Variants in GATD1 observed in about 807,000 individuals in gnomAD.
The protein encoded by GATD1 is glutamine amidotransferase class 1 domain containing 1, also known as glutamine amidotransferase-like class 1 domain-containing protein 1.
In GATD1, 23 loss-of-function variants were observed where a neutral mutation model predicts 25.9. The observed-to-expected ratio is 0.89, with a 90% CI of 0.64 to 1.26. GATD1 has a LOEUF of 1.26. GATD1 is among the 50% of genes most tolerant of loss of function. The pLI is 0.00. For synonymous variants in GATD1, 177 were observed against 134.6 expected, an observed-to-expected ratio of 1.31 and a Z score of -2.18; for missense variants, 347 against 312.5, an observed-to-expected ratio of 1.11 and a Z score of -0.83.
chr11:772,625 C>A, intron 4 of GATD1, 104 bp from the exon 5 acceptor site: 2 of 1,016,374 alleles, frequency 2.0e-6, no homozygotes, highest in Non-Finnish European at 1.5e-6. Context: ...GTGCCGCCTG[C>A]CTGGCCCCTC....
In GATD1 at chr11:769,158, T is replaced by A. The variant is rs1863225241; in HGVS notation, c.*1739A>T. 1.0e-6 allele frequency: 1 copy of A among 985,210 alleles called. No individual in the cohort carries two copies. The highest frequency in any genetic ancestry group is 1.2e-6 in the Non-Finnish European group (1 of 829,942). 61.0% of individuals were successfully genotyped at this position (985,210 alleles called of 1,614,324 possible). On this transcript the variant is annotated 3_prime_UTR_variant, in exon 8 of 8. Transcript: ENST00000319863. Reference sequence around the variant, plus strand: ...ACAGAGGTCCATCACCACACGGGGATGAGAGTGGACCCGGGACAGAGCAAG... The same window carrying A: ...ACAGAGGTCCATCACCACACGGGGAAGAGAGTGGACCCGGGACAGAGCAAG...
At position 776,499 on chromosome 11, in the gene GATD1, A is replaced by AC. The variant is rs1165962608; in HGVS notation, c.64+899dup. ...CTGCTCTGGAAACAAGCCCCAACCC[A>AC]CCCCCCCAGGACTGAACCCCACTCG... On this transcript the variant is annotated intron_variant, in intron 1 of 7. Coordinates refer to ENST00000319863, the MANE Select transcript of GATD1 (RefSeq NM_182612.4). Among the ~76,000 whole-genome samples the AC allele has an allele frequency of 1.7e-3, 197 of 116,420 alleles. 2 individuals carry two copies. Among genetic ancestry groups the AC allele is most frequent in the African/African-American group, 5.3e-3 (181 of 33,842 alleles). 76.4% of individuals were successfully genotyped at this position (116,420 alleles called of 152,430 possible).
chr11:775,018 T>G, intron 2 of GATD1, 48 bp downstream of exon 2: 1 of 1,534,040 alleles, frequency 6.5e-7, no homozygotes. Context: ...CCCGGAGAGG[T>G]GGAGACAGAC....
intron 5 of GATD1, among the ~76,000 whole-genome samples, chr11:772,030 C>A (rs756689608): frequency 8.5e-5 from 13 of 152,300 alleles, no homozygotes; most frequent in Middle Eastern, 3.4e-3. Flanking sequence ...GCCTTTGGGC[C>A]TCAGATTGAC....
chr11:773,799 T>A (rs1177311999), intron 3 of GATD1, among the ~76,000 whole-genome samples, 170 bp from the exon 4 acceptor site: 1 of 152,084 alleles, frequency 6.6e-6, no homozygotes, highest in Non-Finnish European at 1.5e-5. Flanking sequence ...CCCCCCTGAC[T>A]TTCCTGTCTC....
chr11:772,600 G>A, intron 4 of GATD1, 79 bp from the exon 5 acceptor site: 1 of 1,330,800 alleles, frequency 7.5e-7, no homozygotes, highest in Non-Finnish European at 1.1e-6. Context: ...CCCTGCTTGT[G>A]GCTCCCCCAG....
In GATD1 at chr11:770,445, G is replaced by A. The variant is rs1349780672; in HGVS notation, c.*452C>T. 6.1e-6 allele frequency: 9 copies of A among 1,480,540 alleles called. No individual in the cohort carries two copies. The highest frequency in any genetic ancestry group is 2.6e-5 in the South Asian group (2 of 76,612). 91.7% of individuals were successfully genotyped at this position (1,480,540 alleles called of 1,614,324 possible). A position where few individuals can be genotyped will look rare whatever the true frequency, so the allele number is the denominator to read the frequency against. ...TGGCCAAAGTTCTGAGCCAGCTCCC[G>A]CCGGCTGGGCCCTCCCCTCAAGGCC... On this transcript the variant is annotated 3_prime_UTR_variant, in exon 8 of 8. Coordinates refer to ENST00000319863, the MANE Select transcript of GATD1 (RefSeq NM_182612.4).
At position 771,076 on chromosome 11, in the gene GATD1, C is replaced by G. The variant is rs374173107; in HGVS notation, c.573G>C (p.Val191=). The change falls in exon 7 of 8, where the codon GTG becomes GTC. Residue 191 remains valine (V), a synonymous_variant. Coordinates refer to ENST00000319863, the MANE Select transcript of GATD1 (RefSeq NM_182612.4). The stretch of plus-strand genomic sequence containing the variant: ...GGCCTGTGACCAGGTGGCGGTCCAG[C>G]ACGACGTGGACAGCGTCAGGCTCGC... The part of the protein sequence containing the change: ...SASEPDAVHV[V]LDRHLVTGQN... The G allele has an allele frequency of 3.7e-6, 6 of 1,609,138 alleles. No homozygotes were observed. The African/African-American group carries it at 6.7e-5, about 18-fold the overall frequency.
rs914080871 is a variant in GATD1, at chr11:769,007, A to C, written c.*1890T>G. ...TCCCAGCTACTCCGGAGGCTGAGGCAGGAGAATCGCTTGAACCCGGGAGAC... is the reference window on the plus strand; with the variant it reads ...TCCCAGCTACTCCGGAGGCTGAGGCCGGAGAATCGCTTGAACCCGGGAGAC... On this transcript the variant is annotated 3_prime_UTR_variant, in exon 8 of 8. Coordinates refer to ENST00000319863, the MANE Select transcript of GATD1 (RefSeq NM_182612.4). The C allele has an allele frequency of 2.5e-6, 1 of 397,044 alleles. No individual in the cohort carries two copies. The highest frequency in any genetic ancestry group is 3.4e-6 in the Non-Finnish European group (1 of 292,264). 24.6% of individuals were successfully genotyped at this position (397,044 alleles called of 1,614,324 possible). A position where few individuals can be genotyped will look rare whatever the true frequency, so the allele number is the denominator to read the frequency against.
At position 769,249 on chromosome 11, in the gene GATD1, C is replaced by T. The variant is rs1408447619; in HGVS notation, c.*1648G>A. 6 of 985,360 alleles carry T rather than the reference C, an allele frequency of 6.1e-6. No individual in the cohort carries two copies. Among genetic ancestry groups the T allele is most frequent in the Non-Finnish European group, 7.2e-6 (6 of 829,956 alleles). The allele number at this position is 985,360 out of a possible 1,614,324, so 61.0% of individuals were successfully genotyped here. On this transcript the variant is annotated 3_prime_UTR_variant, in exon 8 of 8. Transcript: ENST00000319863. ...CGAGGCACTGGAGGGACGCAGCCTT[C>T]AGGGCGGGGATGTGGCTGCAGCGCT... is the stretch of plus-strand genomic sequence containing the variant.
intron 1 of GATD1, among the ~76,000 whole-genome samples, chr11:776,484 A>T (rs1863993117): frequency 6.6e-6 from 1 of 151,836 alleles, no homozygotes; most frequent in African/African-American, 2.4e-5. Flanking sequence ...CTGCTCTGGA[A>T]ACAAGCCCCA....
Position 770,819 on chromosome 11 carries a change from C to T in GATD1, c.*78G>A, listed in dbSNP as rs755720392. The T allele has an allele frequency of 7.5e-5, 116 of 1,549,960 alleles. 1 individual carries two copies. Among genetic ancestry groups the T allele is most frequent in the Middle Eastern group, 3.9e-4 (2 of 5,170 alleles). Reference sequence around the variant, plus strand: ...AGGGCCCTTGTCAGGAGGGAAGAGGCGGGGTCCCTGAAGCCTGAGACGGGG... The same window carrying T: ...AGGGCCCTTGTCAGGAGGGAAGAGGTGGGGTCCCTGAAGCCTGAGACGGGG... On this transcript the variant is annotated 3_prime_UTR_variant, in exon 8 of 8. Transcript: ENST00000319863.
intron 1 of GATD1, among the ~76,000 whole-genome samples, chr11:775,976 CTTT>C (rs71022972): frequency 0.11 from 7,551 of 70,916 alleles, 53 homozygotes; most frequent in East Asian, 0.22. Context: ...TATCTTCATT[CTTT>C]TTTTTTTTTT....
Position 770,535 on chromosome 11 carries a change from G to A in GATD1, c.*362C>T. ...CACAGCAGGGCAAACCCACACAGAGGACCCCCGAGCCGACTCTGTCTAGTC... is the reference window on the plus strand; with the variant it reads ...CACAGCAGGGCAAACCCACACAGAGAACCCCCGAGCCGACTCTGTCTAGTC... On this transcript the variant is annotated 3_prime_UTR_variant, in exon 8 of 8. Transcript: ENST00000319863. 2.1e-6 allele frequency: 3 copies of A among 1,413,408 alleles called. No individual in the cohort carries two copies. The highest frequency in any genetic ancestry group is 2.8e-6 in the Non-Finnish European group (3 of 1,085,496). The allele number at this position is 1,413,408 out of a possible 1,614,324, so 87.6% of individuals were successfully genotyped here.
rs1223501189 is a variant in GATD1, at chr11:775,969, CTTCA to C, written c.65-831_65-828del. Among the ~76,000 whole-genome samples, 12 of 111,986 alleles carry C rather than the reference CTTCA, an allele frequency of 1.1e-4. No individual in the cohort carries two copies. The East Asian group carries it at 3.0e-3, about 28-fold the overall frequency. 73.5% of individuals were successfully genotyped at this position (111,986 alleles called of 152,430 possible). A position where few individuals can be genotyped will look rare whatever the true frequency, so the allele number is the denominator to read the frequency against. ...CCCAATCCCTCAGCTTCATTTTTAT[CTTCA>C]TTCTTTTTTTTTTTTTTTTTTTTTT... On this transcript the variant is annotated intron_variant, in intron 1 of 7. Coordinates refer to ENST00000319863, the MANE Select transcript of GATD1 (RefSeq NM_182612.4).
intron 1 of GATD1, among the ~76,000 whole-genome samples, chr11:775,966 T>C (rs192476557): frequency 0.016 from 2,395 of 147,110 alleles, 66 homozygotes; most frequent in African/African-American, 0.057. Context: ...GCTTCATTTT[T>C]ATCTTCATTC....
chr11:774,032 G>C lies in GATD1; in HGVS notation c.223C>G (p.Pro75Ala). The C allele has an allele frequency of 1.2e-6, 2 of 1,613,596 alleles. No homozygotes were observed. Among genetic ancestry groups the C allele is most frequent in the Non-Finnish European group, 1.7e-6 (2 of 1,179,996 alleles). ...QDFRLKAYAS[P>A]AKLESIDGAR... ...CCATCGATGGACTCGAGCTTGGCGGGGCTGGCGTAAGCCTTGAGGCGGAAG... is the reference window on the plus strand; with the variant it reads ...CCATCGATGGACTCGAGCTTGGCGGCGCTGGCGTAAGCCTTGAGGCGGAAG... Residue 75 changes from proline (P) to alanine (A), a missense_variant, in exon 3 of 8, where the codon CCC becomes GCC. By Grantham distance (27) the Pro-to-Ala change is conservative (BLOSUM62 -1). Transcript: ENST00000319863.
Position 770,814 on chromosome 11 carries a change from A to G in GATD1, c.*83T>C. 6.5e-7 allele frequency: 1 copy of G among 1,545,620 alleles called. No individual in the cohort carries two copies. The highest frequency in any genetic ancestry group is 8.7e-7 in the Non-Finnish European group (1 of 1,143,984). On this transcript the variant is annotated 3_prime_UTR_variant, in exon 8 of 8. Transcript: ENST00000319863. The stretch of plus-strand genomic sequence containing the variant: ...CATCCAGGGCCCTTGTCAGGAGGGA[A>G]GAGGCGGGGTCCCTGAAGCCTGAGA...
chr11:767,650 C>T lies in GATD1; in HGVS notation c.*3247G>A. ...AGCACGTCCCCCCAAAACCCACCTG[C>T]TTAAGTCCTCACCTGCAAGGGGATG... On this transcript the variant is annotated 3_prime_UTR_variant, in exon 8 of 8. Coordinates refer to ENST00000319863, the MANE Select transcript of GATD1 (RefSeq NM_182612.4). 2.4e-6 allele frequency: 3 copies of T among 1,276,000 alleles called. No homozygotes were observed. The highest frequency in any genetic ancestry group is 3.0e-6 in the Non-Finnish European group (3 of 1,007,962). The allele number at this position is 1,276,000 out of a possible 1,614,324, so 79.0% of individuals were successfully genotyped here. A position where few individuals can be genotyped will look rare whatever the true frequency, so the allele number is the denominator to read the frequency against.
Sources: allele counts gnomAD v4.1 joint callset (sites outside exome capture counted in the v4.1 genomes callset), GRCh38; gene constraint gnomAD v4.1.1; transcripts MANE v1.5; gene names NCBI Gene and HGNC (gene_info 2026-07-23, HGNC 2026-07-21).